The following KMT2E variants were observed in gnomAD, a reference collection of about 807,000 sequenced individuals.
KMT2E encodes the protein histone reader KMT2E.
In KMT2E, 30 loss-of-function variants were observed where a neutral mutation model predicts 184.6. That is an observed-to-expected ratio of 0.16 (90% CI 0.12 to 0.22). The LOEUF (loss-of-function observed/expected upper bound fraction) is 0.22. Among genes scored for constraint, KMT2E ranks in the 10% least tolerant of loss-of-function variants. The probability of loss-of-function intolerance (pLI) is 1.00; values close to 1 mark genes in which losing one functional copy is unlikely to be tolerated. For synonymous variants in KMT2E, 815 were observed against 776.5 expected (o/e 1.05, Z -0.82); for missense variants, 2,023 against 2,237.4 (o/e 0.90, Z 1.93).
At chr7:105,051,094 TTCTC>T (rs67837076) in intron 3 of KMT2E, among the ~76,000 whole-genome samples, 46,412 of 149,240 alleles carry the variant, frequency 0.31, 7,510 homozygotes, top group Non-Finnish European at 0.36. Flanking sequence ...TCTTTCTTTT[TTCTC>T]TCTCTCTCTC....
At chr7:105,055,594 A>C (rs911986222) in intron 3 of KMT2E, among the ~76,000 whole-genome samples, 4 of 152,222 alleles carry the variant, frequency 2.6e-5, no homozygotes, top group Non-Finnish European at 4.4e-5. Context: ...GGTTCATTAC[A>C]TTTAAGTAGA....
intron 6 of KMT2E, among the ~76,000 whole-genome samples, chr7:105,069,251 T>G (rs1797182957): frequency 6.6e-6 from 1 of 152,234 alleles, no homozygotes; most frequent in South Asian, 2.1e-4. Context: ...ATACATGAGT[T>G]TATACCGATA....
In KMT2E at chr7:105,108,936, C is replaced by G; in HGVS notation, c.3469-6C>G. On this transcript the variant is annotated splice_region_variant and splice_polypyrimidine_tract_variant and intron_variant, in intron 22 of 26. Coordinates refer to ENST00000311117, the MANE Select transcript of KMT2E (RefSeq NM_182931.3). ...GATTTGCTTTTTCTCATCTTTCTTGCTTAAGGTTTCTCTATTAGAATACCG... is the reference window on the plus strand; with the variant it reads ...GATTTGCTTTTTCTCATCTTTCTTGGTTAAGGTTTCTCTATTAGAATACCG... The G allele has an allele frequency of 1.3e-6, 2 of 1,588,526 alleles. No individual in the cohort carries two copies. Among genetic ancestry groups the G allele is most frequent in the East Asian group, 2.3e-5 (1 of 44,254 alleles).
chr7:105,080,620 G>A (rs1392853248), intron 12 of KMT2E, among the ~76,000 whole-genome samples: 2 of 152,170 alleles, frequency 1.3e-5, no homozygotes, highest in Middle Eastern at 6.3e-3. Flanking sequence ...TCTGTAAAAA[G>A]GTGATATGAA....
chr7:105,015,554 A>T (rs916448929), intron 1 of KMT2E, among the ~76,000 whole-genome samples: 23 of 152,188 alleles, frequency 1.5e-4, no homozygotes, highest in Middle Eastern at 3.2e-3. Flanking sequence ...AGGTGCATTC[A>T]ACTCGAGGCT....
intron 1 of KMT2E, among the ~76,000 whole-genome samples, chr7:105,014,743 G>T (rs1794639757): frequency 6.6e-6 from 1 of 152,006 alleles, no homozygotes; most frequent in Non-Finnish European, 1.5e-5. Context: ...GCATTATGGC[G>T]GGTTTTAGGG....
chr7:105,083,227 A>C (rs933453972), intron 13 of KMT2E, among the ~76,000 whole-genome samples: 3 of 152,188 alleles, frequency 2.0e-5, no homozygotes, highest in Non-Finnish European at 4.4e-5. Flanking sequence ...TAATCCTTCC[A>C]GACTTTCATG....
chr7:105,111,018 T>TTAC (rs1422999133), intron 26 of KMT2E, 150 bp downstream of exon 26: 2 of 617,934 alleles, frequency 3.2e-6, no homozygotes, highest in Non-Finnish European at 5.7e-6. Flanking sequence ...TCAATTGTGT[T>TTAC]TACTACTGTT....
At chr7:105,054,945 A>G (rs1187266591) in intron 3 of KMT2E, among the ~76,000 whole-genome samples, 1 of 152,230 alleles carries the variant, frequency 6.6e-6, no homozygotes, top group Non-Finnish European at 1.5e-5. Context: ...AAAGTGAAGA[A>G]TTAGATTGAG....
intron 13 of KMT2E, among the ~76,000 whole-genome samples, chr7:105,088,917 C>A (rs546411888): frequency 6.6e-6 from 1 of 152,104 alleles, no homozygotes; most frequent in African/African-American, 2.4e-5. Context: ...TAAAGAAACC[C>A]GGTTGTTGCT....
In KMT2E at chr7:105,113,385, T is replaced by A. The variant is rs781316901; in HGVS notation, c.*52T>A. ...ATGTTCTGTAAGATAAACTGTATAT[T>A]TCATATGTACCTGTTAAGGTACTTT... is the stretch of plus-strand genomic sequence containing the variant. On this transcript the variant is annotated 3_prime_UTR_variant, in exon 27 of 27. Transcript: ENST00000311117. 4 of 1,536,250 alleles carry A rather than the reference T, an allele frequency of 2.6e-6. No individual in the cohort carries two copies. The East Asian group carries it at 7.0e-5, about 27-fold the overall frequency.
At chr7:105,088,354 A>C (rs1798069725) in intron 13 of KMT2E, among the ~76,000 whole-genome samples, 1 of 152,238 alleles carries the variant, frequency 6.6e-6, no homozygotes, top group Non-Finnish European at 1.5e-5. Flanking sequence ...AGTATCTGTT[A>C]ATACCTGATT....
intron 6 of KMT2E, among the ~76,000 whole-genome samples, chr7:105,067,255 G>C (rs1797069968): frequency 6.6e-6 from 1 of 151,502 alleles, no homozygotes. Context: ...CTTTATTAAT[G>C]ATGCATAAAA....
Position 105,074,689 on chromosome 7 carries a change from A to G in KMT2E, c.603A>G (p.Glu201=). ...ATESGDEVPV[E]LYTAFQHTPT... ...AGAGTGGTGATGAGGTTCCTGTGGAATTATATACTGCATTTCAGCATACTC... is the reference window on the plus strand; with the variant it reads ...AGAGTGGTGATGAGGTTCCTGTGGAGTTATATACTGCATTTCAGCATACTC... The change falls in exon 8 of 27, where the codon GAA becomes GAG. Residue 201 remains glutamate, a synonymous_variant. Transcript: ENST00000311117. 3.1e-6 allele frequency: 5 copies of G among 1,599,556 alleles called. No homozygotes were observed. Among genetic ancestry groups the G allele is most frequent in the Non-Finnish European group, 4.3e-6 (5 of 1,173,162 alleles).
chr7:105,043,614 C>T (rs921765772), intron 3 of KMT2E, among the ~76,000 whole-genome samples: 1 of 152,090 alleles, frequency 6.6e-6, no homozygotes. Flanking sequence ...TGAATAAGGA[C>T]ATTTTGGTAT....
At chr7:105,019,100 G>A (rs1278937478) in intron 1 of KMT2E, among the ~76,000 whole-genome samples, 1 of 151,896 alleles carries the variant, frequency 6.6e-6, no homozygotes, top group Admixed American at 6.6e-5. Context: ...TTGTTTTTTT[G>A]TTATTGTGAA....
At chr7:105,054,680 A>G (rs1393848109) in intron 3 of KMT2E, among the ~76,000 whole-genome samples, 3 of 151,900 alleles carry the variant, frequency 2.0e-5, no homozygotes, top group East Asian at 3.9e-4. Context: ...ATGCCTGGCT[A>G]ATTTTGTATT....
chr7:105,110,247 T>G, intron 23 of KMT2E, 33 bp from the exon 24 acceptor site: 1 of 1,557,204 alleles, frequency 6.4e-7, no homozygotes, highest in Non-Finnish European at 8.9e-7. Context: ...GTAGTTTCTT[T>G]CAATAGAGGA....
chr7:105,047,990 G>A (rs779167308), intron 3 of KMT2E, among the ~76,000 whole-genome samples: 1 of 152,166 alleles, frequency 6.6e-6, no homozygotes, highest in Admixed American at 6.5e-5. Flanking sequence ...TGGAAATACC[G>A]TTTGTTTCAG....
Sources: gnomAD v4.1 joint callset for allele counts (sites outside exome capture counted in the v4.1 genomes callset) on GRCh38, gnomAD v4.1.1 for gene constraint, MANE v1.5 for transcripts, NCBI Gene and HGNC (gene_info 2026-07-23, HGNC 2026-07-21) for gene names.